The following CIP2A variants were observed in gnomAD, a reference collection of about 807,000 sequenced individuals.
The protein encoded by CIP2A is cellular inhibitor of PP2A.
Under a neutral mutation model 110.9 loss-of-function variants are expected in CIP2A, and 103 were observed. That is an observed-to-expected ratio of 0.93 (90% CI 0.79 to 1.09). The LOEUF is 1.09. Ranked by LOEUF, CIP2A falls within the 50% of genes least tolerant of loss-of-function variation. CIP2A has a pLI of 0.00. For missense variants in CIP2A, 1,088 were observed against 1,038.4 expected (o/e 1.05, Z -0.66); for synonymous variants, 381 against 361.6 (o/e 1.05, Z -0.61).
In CIP2A at chr3:108,575,491, CATATGTAT is replaced by C. The variant is rs369282586; in HGVS notation, c.894+772_894+779del. 3.2e-3 allele frequency among the ~76,000 whole-genome samples: 447 copies of C among 141,322 alleles called. 11 individuals carry two copies. Among genetic ancestry groups the C allele is most frequent in the African/African-American group, 0.012 (420 of 35,210 alleles). 92.7% of individuals were successfully genotyped at this position (141,322 alleles called of 152,430 possible). On this transcript the variant is annotated intron_variant, in intron 8 of 20. Coordinates refer to ENST00000295746, the MANE Select transcript of CIP2A (RefSeq NM_020890.3). ...GAGTATATATACACATATATGCACACATATGTATATATGTATATATACACATACATATA... is the reference window on the plus strand; with the variant it reads ...GAGTATATATACACATATATGCACACATATGTATATATACACATACATATA...
At chr3:108,583,423 A>G (rs1251013431) in intron 2 of CIP2A, among the ~76,000 whole-genome samples, 1 of 152,238 alleles carries the variant, frequency 6.6e-6, no homozygotes, top group South Asian at 2.1e-4. Context: ...CATATAAAAG[A>G]ATGCATGCCA....
chr3:108,587,751 A>T (rs1174337638), intron 1 of CIP2A, among the ~76,000 whole-genome samples: 1 of 151,872 alleles, frequency 6.6e-6, no homozygotes, highest in Non-Finnish European at 1.5e-5. Context: ...TACAGTAAAG[A>T]CCCCATCCCA....
intron 20 of CIP2A, 98 bp downstream of exon 20, chr3:108,552,136 A>G (rs1193008006): frequency 2.2e-6 from 2 of 913,246 alleles, no homozygotes; most frequent in Non-Finnish European, 1.6e-6. Context: ...CTTCTAAAAA[A>G]TTTGCTGAAG....
chr3:108,580,527 G>A (rs1272899642), intron 5 of CIP2A, among the ~76,000 whole-genome samples: 2 of 151,384 alleles, frequency 1.3e-5, no homozygotes, highest in African/African-American at 4.9e-5. Flanking sequence ...ACTTGAACAA[G>A]TGAGATATTA....
chr3:108,560,825 C>T lies in CIP2A; in HGVS notation c.1651G>A (p.Ala551Thr), dbSNP rs1937982917. Residue 551 changes from alanine to threonine, a missense_variant, in exon 14 of 21, where the codon GCA (alanine) becomes ACA (threonine). Coordinates refer to ENST00000295746, the MANE Select transcript of CIP2A (RefSeq NM_020890.3). ...TGTTGTCTATAGGCATTGTTTGCTG[C>T]TATACTTTCTCCAAGTCTGAATGGG... Reference protein sequence around the residue: ...FPALVLGESIAANNAYRQQET... With the variant: ...FPALVLGESITANNAYRQQET... 3.2e-6 allele frequency: 5 copies of T among 1,583,076 alleles called. No homozygotes were observed.
In CIP2A at chr3:108,569,618, TAA is replaced by T; in HGVS notation, c.895-13_895-12del. On this transcript the variant is annotated splice_polypyrimidine_tract_variant and intron_variant, in intron 8 of 20. Coordinates refer to ENST00000295746, the MANE Select transcript of CIP2A (RefSeq NM_020890.3). ...AAGTAATTCTAAAACCTGTGCAATA[TAA>T]AGTGTTCATTAAACATCAATTTCAC... 1 of 1,599,958 alleles carries T rather than the reference TAA, an allele frequency of 6.3e-7. No individual in the cohort carries two copies. The highest frequency in any genetic ancestry group is 8.6e-7 in the Non-Finnish European group (1 of 1,168,906).
At chr3:108,567,953 A>T (rs909064906) in intron 10 of CIP2A, among the ~76,000 whole-genome samples, 2 of 152,066 alleles carry the variant, frequency 1.3e-5, no homozygotes, top group African/African-American at 4.8e-5. Context: ...AGTTTCACAC[A>T]GAAAAATAAG....
intron 12 of CIP2A, 152 bp downstream of exon 12, chr3:108,565,203 T>C: frequency 1.9e-6 from 1 of 516,186 alleles, no homozygotes; most frequent in Non-Finnish European, 3.5e-6. Context: ...AGTGAGACTA[T>C]TATAACTGCT....
At chr3:108,582,543 T>C (rs1938917141) in intron 3 of CIP2A, among the ~76,000 whole-genome samples, 1 of 152,236 alleles carries the variant, frequency 6.6e-6, no homozygotes, top group South Asian at 2.1e-4. Context: ...ATGTTTTTCT[T>C]TCTTACAATT....
intron 13 of CIP2A, among the ~76,000 whole-genome samples, chr3:108,561,686 T>TAC (rs976688466): frequency 2.6e-5 from 4 of 151,834 alleles, no homozygotes; most frequent in Non-Finnish European, 5.9e-5. Context: ...AACAAGTAAA[T>TAC]ACACACACAC....
chr3:108,575,356 GTATA>G (rs1267058896), intron 8 of CIP2A, among the ~76,000 whole-genome samples: 6 of 149,974 alleles, frequency 4.0e-5, no homozygotes, highest in African/African-American at 1.2e-4. Context: ...ACACACATGT[GTATA>G]TATACATACA....
Position 108,579,581 on chromosome 3 carries a change from T to C in CIP2A, c.657A>G (p.Glu219=). The C allele has an allele frequency of 2.5e-6, 4 of 1,591,846 alleles. No individual in the cohort carries two copies. The highest frequency in any genetic ancestry group is 3.4e-6 in the Non-Finnish European group (4 of 1,166,760). ...TTGTATTTACCTTTTCCCCCACCTC[T>C]TCATTTAATGTCAAACTGGATAATA... is the stretch of plus-strand genomic sequence containing the variant. ...LSILSSLTLN[E]EVGEKLFHAR... The change falls in exon 6 of 21, where the codon GAA becomes GAG. Residue 219 remains glutamate, a synonymous_variant. Transcript: ENST00000295746.
chr3:108,560,285 C>T (rs185585100), intron 14 of CIP2A, among the ~76,000 whole-genome samples: 1 of 152,032 alleles, frequency 6.6e-6, no homozygotes, highest in East Asian at 1.9e-4. Context: ...GATTCTCCTG[C>T]CTCAGCCTTC....
chr3:108,573,580 AT>A (rs1394207512), intron 8 of CIP2A, among the ~76,000 whole-genome samples: 1 of 151,814 alleles, frequency 6.6e-6, no homozygotes, highest in Admixed American at 6.6e-5. Context: ...CGAATACTAG[AT>A]TTTTCCCTTG....
In CIP2A at chr3:108,557,218, C is replaced by G; in HGVS notation, c.2210G>C (p.Arg737Thr). ...LTKSYMELLQ[R>T]NESTEKKNKD... ...ACACAGAAGATTTTACTTTATTTAC[C>G]TCTGAAGAAGTTCCATGTAGGATTT... Residue 737 changes from arginine (R) to threonine (T), a missense_variant and splice_region_variant, in exon 17 of 21, where the codon AGA (arginine) becomes ACA (threonine). Transcript: ENST00000295746. The G allele has an allele frequency of 6.4e-7, 1 of 1,571,794 alleles. No homozygotes were observed. The highest frequency in any genetic ancestry group is 8.7e-7 in the Non-Finnish European group (1 of 1,149,914).
chr3:108,581,378 T>C, intron 5 of CIP2A, 37 bp downstream of exon 5: 1 of 1,409,336 alleles, frequency 7.1e-7, no homozygotes, highest in Non-Finnish European at 9.9e-7. Flanking sequence ...GAATCTACCA[T>C]AAAACAAGAA....
chr3:108,585,717 T>A (rs1455204495), intron 1 of CIP2A: 1 of 456,584 alleles, frequency 2.2e-6, no homozygotes, highest in Admixed American at 2.3e-5. Flanking sequence ...ATGGGATTAT[T>A]CCTTCTGCTT....
chr3:108,581,890 T>A (rs935741458), intron 4 of CIP2A, among the ~76,000 whole-genome samples: 1 of 151,574 alleles, frequency 6.6e-6, no homozygotes, highest in Non-Finnish European at 1.5e-5. Flanking sequence ...TGCTTTACAA[T>A]TTTTTTTTCC....
chr3:108,572,521 T>C (rs1482074509), intron 8 of CIP2A, among the ~76,000 whole-genome samples: 5 of 151,984 alleles, frequency 3.3e-5, no homozygotes, highest in African/African-American at 1.2e-4. Flanking sequence ...TCCATTATGT[T>C]CCACTGGGCT....
Sources: allele counts gnomAD v4.1 joint callset (sites outside exome capture counted in the v4.1 genomes callset), GRCh38; gene constraint gnomAD v4.1.1; transcripts MANE v1.5; gene names NCBI Gene and HGNC (gene_info 2026-07-23, HGNC 2026-07-21).